The following HELQ variants were observed in gnomAD, a reference collection of about 807,000 sequenced individuals.
The protein encoded by HELQ is helicase, POLQ like.
A neutral mutation model predicts 111.6 loss-of-function variants in HELQ; 77 were observed. The ratio of observed to expected loss-of-function variants is 0.69; its 90% CI spans 0.57 to 0.83. The LOEUF (loss-of-function observed/expected upper bound fraction) is 0.83, where lower values mean the gene tolerates loss of function less well. Among genes scored for constraint, HELQ ranks in the 40% least tolerant of loss-of-function variants. HELQ has a pLI of 0.00. For synonymous variants in HELQ, 438 were observed against 454.7 expected, an observed-to-expected ratio of 0.96 and a Z score of 0.47; for missense variants, 1,200 against 1,288.5, an observed-to-expected ratio of 0.93 and a Z score of 1.05.
At chr4:83,454,424 G>T (rs372388919) in intron 1 of HELQ, among the ~76,000 whole-genome samples, 1 of 151,898 alleles carries the variant, frequency 6.6e-6, no homozygotes, top group South Asian at 2.1e-4. Context: ...TTGAGACAGG[G>T]TCTGGCTCTG....
At chr4:83,431,574 A>G in intron 11 of HELQ, 90 bp downstream of exon 11, 1 of 481,452 alleles carries the variant, frequency 2.1e-6, no homozygotes, top group Non-Finnish European at 3.6e-6. Flanking sequence ...TATAAAATCT[A>G]CACAGTTGCA....
At chr4:83,435,612 T>G (rs748879347) in intron 9 of HELQ, among the ~76,000 whole-genome samples, 13 of 151,622 alleles carry the variant, frequency 8.6e-5, no homozygotes, top group Non-Finnish European at 1.0e-4. Context: ...ATGTGGGATA[T>G]AAGAGGCAGT....
Position 83,427,564 on chromosome 4 carries a change from T to C in HELQ, c.2675A>G (p.Gln892Arg). ...AGTTGAAAAACGTTATATTCTCACC[T>C]GCCTGAAGTATATCATCCAATCAGG... ...CNPDWMIYFR[Q>R]FSQLSPAEQN... Residue 892 changes from glutamine to arginine, a missense_variant and splice_region_variant, in exon 13 of 18, where the codon CAG becomes CGG. Gln to Arg is a conservative substitution (Grantham distance 43). This residue lies in a region of HELQ where 585 missense variants were observed against 665.3 expected (regional missense o/e 0.88). Coordinates refer to ENST00000295488, the MANE Select transcript of HELQ (RefSeq NM_133636.5). The C allele has an allele frequency of 6.5e-7, 1 of 1,533,854 alleles. No individual in the cohort carries two copies. The highest frequency in any genetic ancestry group is 8.7e-7 in the Non-Finnish European group (1 of 1,145,000).
chr4:83,437,504 A>G (rs1446435302), intron 8 of HELQ, among the ~76,000 whole-genome samples: 3 of 147,154 alleles, frequency 2.0e-5, no homozygotes, highest in Non-Finnish European at 4.5e-5. Context: ...GTTCCAGGCT[A>G]TGGGGGAGGA....
At chr4:83,423,918 CAA>C (rs879285747) in intron 14 of HELQ, among the ~76,000 whole-genome samples, 4 of 130,312 alleles carry the variant, frequency 3.1e-5, no homozygotes, top group Non-Finnish European at 3.3e-5. Flanking sequence ...GACTCTGTAT[CAA>C]AAAAAAAAAA....
At chr4:83,432,288 G>T (rs1418287561) in intron 9 of HELQ, 21 bp from the exon 10 acceptor site, 2 of 1,521,396 alleles carry the variant, frequency 1.3e-6, no homozygotes, top group Non-Finnish European at 1.8e-6. Context: ...AATGAAAAAT[G>T]ATACTCTACA....
chr4:83,449,868 CAAAA>C (rs35086534), intron 2 of HELQ, among the ~76,000 whole-genome samples: 1 of 137,230 alleles, frequency 7.3e-6, no homozygotes, highest in Non-Finnish European at 1.6e-5. Flanking sequence ...AAATAACTAT[CAAAA>C]AAAAAAAAAG....
intron 17 of HELQ, among the ~76,000 whole-genome samples, chr4:83,410,500 T>C (rs1241594123): frequency 6.7e-6 from 1 of 148,804 alleles, no homozygotes; most frequent in Non-Finnish European, 1.5e-5. Flanking sequence ...TTTCAGTGCA[T>C]TCTAAGATTG....
At chr4:83,428,759 T>C (rs1257622360) in intron 12 of HELQ, among the ~76,000 whole-genome samples, 1 of 152,062 alleles carries the variant, frequency 6.6e-6, no homozygotes, top group Non-Finnish European at 1.5e-5. Flanking sequence ...CTGGCAAACA[T>C]AGCGAGATTT....
intron 2 of HELQ, among the ~76,000 whole-genome samples, chr4:83,449,639 A>G (rs1721241049): frequency 1.3e-5 from 2 of 152,218 alleles, no homozygotes; most frequent in Non-Finnish European, 1.5e-5. Context: ...CTGTAGGATA[A>G]TCTGACAATA....
In HELQ at chr4:83,439,899, T is replaced by C. The variant is rs1193279344; in HGVS notation, c.1772A>G (p.Glu591Gly). The C allele has an allele frequency of 1.9e-6, 3 of 1,600,424 alleles. No homozygotes were observed. In the African/African-American group the frequency reaches 4.0e-5, roughly 22 times the overall value. ...LVFCPSKKNC[E>G]NVAEMICKFL... ...TTTGCATATCATTTCTGCTACATTTTCACAGTTCTTCTTACTAGGACAAAA... is the reference window on the plus strand; with the variant it reads ...TTTGCATATCATTTCTGCTACATTTCCACAGTTCTTCTTACTAGGACAAAA... Residue 591 changes from glutamate (E) to glycine (G), a missense_variant, in exon 8 of 18, where the codon GAA (glutamate) becomes GGA (glycine). Around this residue, in one of 3 missense-constraint regions of HELQ, gnomAD observed 585 missense variants for 665.3 expected, o/e 0.88. Coordinates refer to ENST00000295488, the MANE Select transcript of HELQ (RefSeq NM_133636.5).
At chr4:83,431,021 C>T (rs1720114712) in intron 11 of HELQ, among the ~76,000 whole-genome samples, 1 of 152,116 alleles carries the variant, frequency 6.6e-6, no homozygotes, top group Non-Finnish European at 1.5e-5. Flanking sequence ...CTTCTCAAAT[C>T]CAGATTCTCC....
intron 4 of HELQ, among the ~76,000 whole-genome samples, 192 bp from the exon 5 acceptor site, chr4:83,446,278 C>G (rs553543500): frequency 1.1e-4 from 16 of 151,904 alleles, no homozygotes; most frequent in Admixed American, 6.6e-4. Flanking sequence ...GTACAAAATC[C>G]TTATAAATCT....
chr4:83,407,650 C>T (rs1002532537), intron 17 of HELQ, 90 bp from the exon 18 acceptor site: 1 of 740,540 alleles, frequency 1.4e-6, no homozygotes, highest in Non-Finnish European at 2.3e-6. Flanking sequence ...CACCTGAATC[C>T]TTACACATCA....
At chr4:83,414,002 A>G (rs1578064095) in intron 17 of HELQ, among the ~76,000 whole-genome samples, 1 of 152,354 alleles carries the variant, frequency 6.6e-6, no homozygotes, top group East Asian at 1.9e-4. Context: ...CTACAAAAAC[A>G]TGAGCAAAAT....
rs1166744594 is a variant in HELQ, at chr4:83,429,621, T to C, written c.2421A>G (p.Thr807=). The C allele has an allele frequency of 4.3e-6, 7 of 1,612,754 alleles. No homozygotes were observed. In the Admixed American group the frequency reaches 1.2e-4, roughly 27 times the overall value. ...TGTCTTTTTGTAGGAGTCCTTTTTC[T>C]GTCAGGTATCTAAGTGATTCAACAG... is the stretch of plus-strand genomic sequence containing the variant. ...EITVESLRYL[T]EKGLLQKDTI... is the part of the protein sequence containing the mutation. The change falls in exon 12 of 18, where the codon ACA becomes ACG. Residue 807 remains threonine, a synonymous_variant. Coordinates refer to ENST00000295488, the MANE Select transcript of HELQ (RefSeq NM_133636.5).
intron 3 of HELQ, 46 bp from the exon 4 acceptor site, chr4:83,447,081 C>T: frequency 3.1e-6 from 1 of 317,994 alleles, no homozygotes; most frequent in Non-Finnish European, 4.5e-6. Flanking sequence ...GGCATTGTGG[C>T]CAATGCCTGT....
At chr4:83,431,070 C>T (rs1240756073) in intron 11 of HELQ, among the ~76,000 whole-genome samples, 2 of 152,044 alleles carry the variant, frequency 1.3e-5, no homozygotes, top group Non-Finnish European at 2.9e-5. Flanking sequence ...ACGCTCAGTT[C>T]CAAAGTTAAT....
rs1291092011 is a variant in HELQ, at chr4:83,429,737, T to C, written c.2305A>G (p.Asn769Asp). 1.2e-6 allele frequency: 2 copies of C among 1,608,730 alleles called. No individual in the cohort carries two copies. The highest frequency in any genetic ancestry group is 1.7e-5 in the Admixed American group (1 of 59,586). Residue 769 changes from asparagine (N) to aspartate (D), a missense_variant, in exon 12 of 18, where the codon AAT becomes GAT. Asn to Asp is a conservative substitution (Grantham distance 23). Coordinates refer to ENST00000295488, the MANE Select transcript of HELQ (RefSeq NM_133636.5). ...LSLIGLKIAT[N>D]LDDIYHFMNG... ...ATGAAATGATAGATGTCATCAAGATTCGTTGCAATCTGAAACAATTCAGGA... is the reference window on the plus strand; with the variant it reads ...ATGAAATGATAGATGTCATCAAGATCCGTTGCAATCTGAAACAATTCAGGA...
Sources: gnomAD v4.1 joint callset for allele counts (sites outside exome capture counted in the v4.1 genomes callset) on GRCh38, gnomAD v4.1.1 for gene constraint, gnomAD v4.1.1 regional missense constraint, MANE v1.5 for transcripts, NCBI Gene and HGNC (gene_info 2026-07-23, HGNC 2026-07-21) for gene names.